The following KCNQ5 variants were observed in gnomAD, a reference collection of about 807,000 sequenced individuals.
KCNQ5 encodes potassium voltage-gated channel subfamily KQT member 5.
Under a neutral mutation model 98.2 loss-of-function variants are expected in KCNQ5, and 30 were observed. The observed-to-expected ratio is 0.31, with a 90% CI of 0.23 to 0.41. The LOEUF is 0.41. Among genes scored for constraint, KCNQ5 ranks in the 10% least tolerant of loss-of-function variants. The pLI, the probability that KCNQ5 is intolerant of heterozygous loss-of-function variation, is 1.00. For missense variants in KCNQ5, 835 were observed against 1,182.5 expected (o/e 0.71, Z 4.31); for synonymous variants, 458 against 449.4 (o/e 1.02, Z -0.24).
At chr6:73,121,396 T>C (rs1690014749) in intron 8 of KCNQ5, among the ~76,000 whole-genome samples, 1 of 150,850 alleles carries the variant, frequency 6.6e-6, no homozygotes, top group Admixed American at 6.6e-5. Flanking sequence ...AGTTCAACTA[T>C]CACAGAAAAT....
intron 1 of KCNQ5, among the ~76,000 whole-genome samples, chr6:72,782,086 A>G (rs933008446): frequency 1.3e-5 from 2 of 152,102 alleles, no homozygotes; most frequent in African/African-American, 2.4e-5. Context: ...TTTTCTTTTG[A>G]CATGTCACTT....
intron 1 of KCNQ5, among the ~76,000 whole-genome samples, chr6:72,905,291 T>A (rs1779657035): frequency 6.6e-6 from 1 of 152,204 alleles, no homozygotes; most frequent in Non-Finnish European, 1.5e-5. Flanking sequence ...ATATCATTTG[T>A]TGGATTTCCT....
At chr6:72,905,090 CTT>C (rs1779649927) in intron 1 of KCNQ5, among the ~76,000 whole-genome samples, 1 of 152,090 alleles carries the variant, frequency 6.6e-6, no homozygotes, top group African/African-American at 2.4e-5. Flanking sequence ...TTATCTTTGT[CTT>C]TGTTGGATTG....
intron 5 of KCNQ5, among the ~76,000 whole-genome samples, chr6:73,080,447 A>G (rs1023907643): frequency 7.9e-5 from 12 of 152,296 alleles, no homozygotes; most frequent in African/African-American, 2.9e-4. Context: ...TCTGAATCCT[A>G]AAAAGACAGA....
chr6:72,969,293 T>C (rs1767761909), intron 1 of KCNQ5, among the ~76,000 whole-genome samples: 1 of 152,220 alleles, frequency 6.6e-6, no homozygotes, highest in Non-Finnish European at 1.5e-5. Flanking sequence ...AAGATATGCA[T>C]GAACTTTGTG....
chr6:72,623,154 C>A (rs887880329), intron 1 of KCNQ5, among the ~76,000 whole-genome samples: 3 of 152,226 alleles, frequency 2.0e-5, no homozygotes, highest in Admixed American at 1.3e-4. Flanking sequence ...CAGCCACCAC[C>A]AACGGAAAAT....
intron 1 of KCNQ5, among the ~76,000 whole-genome samples, chr6:72,858,841 G>A (rs1370748584): frequency 6.6e-6 from 1 of 151,976 alleles, no homozygotes; most frequent in Non-Finnish European, 1.5e-5. Flanking sequence ...CATAAAAACT[G>A]GTGAAATTTA....
At chr6:72,911,472 A>T (rs1361910536) in intron 1 of KCNQ5, among the ~76,000 whole-genome samples, 1 of 152,092 alleles carries the variant, frequency 6.6e-6, no homozygotes, top group African/African-American at 2.4e-5. Context: ...GAACTGTGAG[A>T]AGTAAATTTC....
rs1400572639 is a variant in KCNQ5 at position 72,829,658 on chromosome 6, A to T, written c.399-174250A>T. On this transcript the variant is annotated intron_variant, in intron 1 of 13. Coordinates refer to ENST00000370398, the MANE Select transcript of KCNQ5 (RefSeq NM_019842.4). ...TTAATTTGCCACATGTATTATTTGG[A>T]CAATTCAGTAGATGCCATAGAGGTT... Among the ~76,000 whole-genome samples, 4 of 152,178 alleles carry T rather than the reference A, an allele frequency of 2.6e-5. No homozygotes were observed. In the East Asian group the frequency reaches 7.7e-4, roughly 29 times the overall value.
intron 1 of KCNQ5, among the ~76,000 whole-genome samples, chr6:72,623,380 C>T: frequency 1.2e-5 from 1 of 86,914 alleles, no homozygotes. Flanking sequence ...GTTTGTGGCG[C>T]GGAGTCAAAG....
At chr6:72,995,900 G>A (rs1467862994) in intron 1 of KCNQ5, among the ~76,000 whole-genome samples, 1 of 152,172 alleles carries the variant, frequency 6.6e-6, no homozygotes, top group Non-Finnish European at 1.5e-5. Context: ...CCATTTCAAA[G>A]AAAGAGTAGT....
chr6:73,167,824 G>A (rs1777861866), intron 10 of KCNQ5, among the ~76,000 whole-genome samples: 1 of 152,132 alleles, frequency 6.6e-6, no homozygotes, highest in Admixed American at 6.5e-5. Flanking sequence ...CCAGAGGGTA[G>A]GAGGGCCTAC....
At chr6:73,005,074 A>G (rs1348003236) in intron 2 of KCNQ5, among the ~76,000 whole-genome samples, 1 of 152,188 alleles carries the variant, frequency 6.6e-6, no homozygotes, top group Non-Finnish European at 1.5e-5. Context: ...CTTTCTGTGC[A>G]ATATCAGGGA....
intron 1 of KCNQ5, among the ~76,000 whole-genome samples, chr6:72,731,983 A>G (rs1561947948): frequency 1.3e-5 from 2 of 152,212 alleles, no homozygotes; most frequent in Non-Finnish European, 2.9e-5. Context: ...GAAAAACCTG[A>G]GCTAGATATT....
At chr6:73,115,848 C>A (rs1775468843) in intron 7 of KCNQ5, among the ~76,000 whole-genome samples, 1 of 152,126 alleles carries the variant, frequency 6.6e-6, no homozygotes, top group Non-Finnish European at 1.5e-5. Flanking sequence ...AGATTCCGCA[C>A]AGGAAAGAGC....
intron 1 of KCNQ5, among the ~76,000 whole-genome samples, chr6:72,824,689 G>T (rs1198904252): frequency 6.6e-6 from 1 of 151,974 alleles, no homozygotes; most frequent in African/African-American, 2.4e-5. Context: ...GGGAAGAAAG[G>T]TGTCATATCA....
intron 3 of KCNQ5, among the ~76,000 whole-genome samples, chr6:73,076,697 G>A (rs940432189): frequency 1.3e-5 from 2 of 152,064 alleles, no homozygotes; most frequent in African/African-American, 4.8e-5. Flanking sequence ...TGGTGAACAG[G>A]TCTAAAGAAT....
intron 1 of KCNQ5, among the ~76,000 whole-genome samples, chr6:72,727,856 T>C (rs979917441): frequency 2.0e-5 from 3 of 152,146 alleles, no homozygotes; most frequent in Non-Finnish European, 2.9e-5. Flanking sequence ...CCAAGAGCTC[T>C]GTAAGGCAGA....
At chr6:72,820,749 T>C (rs1384419386) in intron 1 of KCNQ5, among the ~76,000 whole-genome samples, 3 of 152,124 alleles carry the variant, frequency 2.0e-5, no homozygotes, top group African/African-American at 4.8e-5. Context: ...ATGAAATGTA[T>C]CATTTCCCTC....
Sources: gnomAD v4.1 joint callset for allele counts (sites outside exome capture counted in the v4.1 genomes callset) on GRCh38, gnomAD v4.1.1 for gene constraint, MANE v1.5 for transcripts, NCBI Gene and HGNC (gene_info 2026-07-23, HGNC 2026-07-21) for gene names.